The following RIPK2 variants were observed in gnomAD, a reference collection of about 807,000 sequenced individuals.
RIPK2 encodes the protein receptor-interacting serine/threonine-protein kinase 2.
A neutral mutation model predicts 60.9 loss-of-function variants in RIPK2; 38 were observed. The ratio of observed to expected loss-of-function variants is 0.62; its 90% CI spans 0.48 to 0.82. RIPK2 has a LOEUF of 0.82. Ranked by LOEUF, RIPK2 falls within the 40% of genes least tolerant of loss-of-function variation. The probability of loss-of-function intolerance (pLI) is 0.00; values close to 1 mark genes in which losing one functional copy is unlikely to be tolerated. For missense variants in RIPK2, 518 were observed against 647.0 expected, an observed-to-expected ratio of 0.80 and a Z score of 2.16; for synonymous variants, 225 against 223.4, an observed-to-expected ratio of 1.01 and a Z score of -0.06.
At chr8:89,769,707 A>G (rs1809282374) in intron 3 of RIPK2, 65 bp from the exon 4 acceptor site, 3 of 1,142,414 alleles carry the variant, frequency 2.6e-6, no homozygotes, top group Non-Finnish European at 3.7e-6. Flanking sequence ...ATATACAAAA[A>G]GATAGTTGAC....
intron 2 of RIPK2, among the ~76,000 whole-genome samples, chr8:89,763,426 A>G (rs1809177317): frequency 6.6e-6 from 1 of 152,296 alleles, no homozygotes; most frequent in East Asian, 1.9e-4. Flanking sequence ...TACCAGATAC[A>G]TTAGCTTTTC....
At chr8:89,782,739 TTA>T (rs1310073271) in intron 7 of RIPK2, among the ~76,000 whole-genome samples, 8 of 152,230 alleles carry the variant, frequency 5.3e-5, no homozygotes, top group African/African-American at 7.2e-5. Context: ...CTCCCGTAAT[TTA>T]TGTTTTCCTA....
At chr8:89,766,770 T>C (rs1809236732) in intron 3 of RIPK2, among the ~76,000 whole-genome samples, 1 of 151,718 alleles carries the variant, frequency 6.6e-6, no homozygotes, top group Non-Finnish European at 1.5e-5. Context: ...ATCGAACACC[T>C]TTTTATATGC....
At position 89,762,814 on chromosome 8, in the gene RIPK2, A is replaced by T. The variant is rs200615392; in HGVS notation, c.174-15A>T. Reference sequence around the variant, plus strand: ...TTTTTTATTACTTGAATAATTATGCATTTTTTTTTCTTAGTGAAAGAAAGG... The same window carrying T: ...TTTTTTATTACTTGAATAATTATGCTTTTTTTTTTCTTAGTGAAAGAAAGG... On this transcript the variant is annotated splice_polypyrimidine_tract_variant and intron_variant, in intron 1 of 10. Transcript: ENST00000220751. 5.4e-5 allele frequency: 69 copies of T among 1,267,486 alleles called. No individual in the cohort carries two copies. Among genetic ancestry groups the T allele is most frequent in the Non-Finnish European group, 7.1e-5 (67 of 941,888 alleles). The allele number at this position is 1,267,486 out of a possible 1,614,324, so 78.5% of individuals were successfully genotyped here.
Position 89,757,887 on chromosome 8 carries a change from T to G in RIPK2, c.-174T>G, listed in dbSNP as rs1280146481. 7.3e-7 allele frequency: 1 copy of G among 1,367,712 alleles called. No individual in the cohort carries two copies. Among genetic ancestry groups the G allele is most frequent in the Non-Finnish European group, 9.4e-7 (1 of 1,061,944 alleles). The allele number at this position is 1,367,712 out of a possible 1,614,324, so 84.7% of individuals were successfully genotyped here. A position where few individuals can be genotyped will look rare whatever the true frequency, so the allele number is the denominator to read the frequency against. On this transcript the variant is annotated 5_prime_UTR_variant, in exon 1 of 11. Transcript: ENST00000220751. ...AGCTCTGGTTCGGAGAAGCAGCGGC[T>G]GGCGTGGGCCATCCGGGGAATGGGC...
chr8:89,786,997 C>A lies in RIPK2; in HGVS notation c.1123+311C>A, dbSNP rs1219568378. ...CCTGGCCAACATGGTGAAACCCCATCTCTACTAAAAATACAAAAATTAGCC... is the reference window on the plus strand; with the variant it reads ...CCTGGCCAACATGGTGAAACCCCATATCTACTAAAAATACAAAAATTAGCC... On this transcript the variant is annotated intron_variant, in intron 9 of 10. Coordinates refer to ENST00000220751, the MANE Select transcript of RIPK2 (RefSeq NM_003821.6). 2.0e-5 allele frequency among the ~76,000 whole-genome samples: 3 copies of A among 151,874 alleles called. No homozygotes were observed. In the East Asian group the frequency reaches 5.8e-4, roughly 29 times the overall value.
chr8:89,780,299 C>G (rs1161443396), intron 7 of RIPK2, 139 bp downstream of exon 7: 2 of 453,252 alleles, frequency 4.4e-6, no homozygotes, highest in African/African-American at 4.2e-5. Context: ...AGAAAATTTA[C>G]CAGAGACTAT....
In RIPK2 at chr8:89,758,197, T is replaced by C; in HGVS notation, c.137T>C (p.Val46Ala). ...GCAGACTGGCGCGTCCAGGTGGCCGTGAAGCACCTGCACATCCACACTCCG... is the reference window on the plus strand; with the variant it reads ...GCAGACTGGCGCGTCCAGGTGGCCGCGAAGCACCTGCACATCCACACTCCG... ...RHADWRVQVA[V>A]KHLHIHTPLL... Residue 46 changes from valine (V) to alanine (A), a missense_variant, in exon 1 of 11, where the codon GTG (valine) becomes GCG (alanine). Val to Ala is a moderately conservative substitution (Grantham distance 64). Coordinates refer to ENST00000220751, the MANE Select transcript of RIPK2 (RefSeq NM_003821.6). The C allele has an allele frequency of 6.2e-7, 1 of 1,610,088 alleles. No homozygotes were observed. Among genetic ancestry groups the C allele is most frequent in the Non-Finnish European group, 8.5e-7 (1 of 1,178,940 alleles).
chr8:89,762,467 A>T (rs757786944), intron 1 of RIPK2, among the ~76,000 whole-genome samples: 3 of 152,200 alleles, frequency 2.0e-5, no homozygotes, highest in African/African-American at 2.4e-5. Context: ...TTTGAATACA[A>T]TGTAAACTTA....
At chr8:89,775,502 T>C (rs1809382599) in intron 6 of RIPK2, among the ~76,000 whole-genome samples, 1 of 151,718 alleles carries the variant, frequency 6.6e-6, no homozygotes, top group Non-Finnish European at 1.5e-5. Context: ...TTACTTTATC[T>C]GGAAAAAATA....
At chr8:89,789,580 C>T in intron 10 of RIPK2, 98 bp downstream of exon 10, 2 of 1,153,034 alleles carry the variant, frequency 1.7e-6, no homozygotes, top group South Asian at 1.5e-5. Flanking sequence ...TCTTTATTTC[C>T]TCAATATGAT....
rs71268283 is a variant in RIPK2 at position 89,784,141 on chromosome 8, TAAAAAA to T, written c.1029+20_1029+25del. 0.022 allele frequency: 12,019 copies of T among 549,574 alleles called. No homozygotes were observed. The highest frequency in any genetic ancestry group is 0.028 in the Middle Eastern group (53 of 1,872). The allele number at this position is 549,574 out of a possible 1,614,324, so 34.0% of individuals were successfully genotyped here. A position where few individuals can be genotyped will look rare whatever the true frequency, so the allele number is the denominator to read the frequency against. ...CCTGTAAATCATGGTCCACAAGAGG[TAAAAAA>T]AAAAAAAAAAAAAAAAAGGTTATAT... On this transcript the variant is annotated splice_donor_5th_base_variant and intron_variant, in intron 8 of 10. Coordinates refer to ENST00000220751, the MANE Select transcript of RIPK2 (RefSeq NM_003821.6).
chr8:89,774,327 A>G (rs1809362296), intron 6 of RIPK2, among the ~76,000 whole-genome samples: 1 of 152,178 alleles, frequency 6.6e-6, no homozygotes, highest in Non-Finnish European at 1.5e-5. Flanking sequence ...TGGAAATGCA[A>G]ATTAAAACTG....
intron 6 of RIPK2, among the ~76,000 whole-genome samples, chr8:89,778,297 A>AT (rs201530572): frequency 0.019 from 2,927 of 152,244 alleles, 97 homozygotes; most frequent in African/African-American, 0.064. Flanking sequence ...AATAAAGATT[A>AT]TTTTTTTCAA....
intron 1 of RIPK2, 55 bp downstream of exon 1, chr8:89,758,288 GCC>G (rs1809085081): frequency 6.7e-7 from 1 of 1,501,626 alleles, no homozygotes; most frequent in Non-Finnish European, 8.9e-7. Context: ...ATCCCCTCAA[GCC>G]CCCTGACAAG....
At chr8:89,787,396 CTCTGGA>C (rs1563619549) in intron 9 of RIPK2, among the ~76,000 whole-genome samples, 1 of 152,264 alleles carries the variant, frequency 6.6e-6, no homozygotes, top group East Asian at 1.9e-4. Context: ...CATTTAAGGA[CTCTGGA>C]TCACATAGCT....
At chr8:89,771,035 A>C (rs1426505895) in intron 4 of RIPK2, among the ~76,000 whole-genome samples, 1 of 151,860 alleles carries the variant, frequency 6.6e-6, no homozygotes, top group African/African-American at 2.4e-5. Flanking sequence ...AAAATGGGCC[A>C]ATAAATCTGC....
chr8:89,781,811 G>T (rs1457339075), intron 7 of RIPK2, among the ~76,000 whole-genome samples: 2 of 152,022 alleles, frequency 1.3e-5, no homozygotes, highest in Non-Finnish European at 2.9e-5. Flanking sequence ...CTATGATAAG[G>T]TTTAATTTAT....
chr8:89,785,767 G>C (rs1809577440), intron 8 of RIPK2, among the ~76,000 whole-genome samples: 1 of 152,142 alleles, frequency 6.6e-6, no homozygotes, highest in Non-Finnish European at 1.5e-5. Flanking sequence ...GGCCATTCAT[G>C]CATATTTTTA....
Sources: allele counts gnomAD v4.1 joint callset (sites outside exome capture counted in the v4.1 genomes callset), GRCh38; gene constraint gnomAD v4.1.1; transcripts MANE v1.5; gene names NCBI Gene and HGNC (gene_info 2026-07-23, HGNC 2026-07-21).